TENM1: variants seen among roughly 807,000 people sequenced by gnomAD.
TENM1 encodes the protein teneurin transmembrane protein 1.
In TENM1, 35 loss-of-function variants were observed where a neutral mutation model predicts 174.8. The ratio of observed to expected loss-of-function variants is 0.20; its 90% confidence interval spans 0.15 to 0.27. TENM1 has a LOEUF of 0.27. Among genes scored for constraint, TENM1 ranks in the 10% least tolerant of loss-of-function variants. The pLI is 1.00. For synonymous variants in TENM1, 781 were observed against 798.7 expected, an observed-to-expected ratio of 0.98 and a Z score of 0.37; for missense variants, 1,633 against 2,130.1, an observed-to-expected ratio of 0.77 and a Z score of 4.59.
chrX:124,419,553 G>T (rs2060627618), intron 25 of TENM1, among the ~76,000 whole-genome samples: 1 of 112,064 alleles, frequency 8.9e-6, no homozygotes, highest in Non-Finnish European at 1.9e-5. Context: ...CAAGGACAAT[G>T]GTCTCTATTT....
the TENM1 span, among the ~76,000 whole-genome samples, chrX:125,034,270 A>G: frequency 8.9e-6 from 1 of 111,952 alleles, no homozygotes; most frequent in East Asian, 2.8e-4. Context: ...GGTTTTGCAG[A>G]ATTTTCTATG....
intron 3 of TENM1, among the ~76,000 whole-genome samples, chrX:124,772,229 G>A (rs917449364): frequency 1.8e-5 from 2 of 110,653 alleles, no homozygotes; most frequent in Non-Finnish European, 3.8e-5. Flanking sequence ...TCTGCCTTCC[G>A]GGTTCAAACA....
intron 4 of TENM1, among the ~76,000 whole-genome samples, chrX:124,735,558 C>A (rs896996545): frequency 9.0e-5 from 10 of 111,715 alleles, no homozygotes; most frequent in Admixed American, 6.6e-4. Context: ...AATAGAACTT[C>A]CATTTGATTC....
At chrX:125,037,664 A>G in the TENM1 span, among the ~76,000 whole-genome samples, 5 of 111,596 alleles carry the variant, frequency 4.5e-5, no homozygotes, top group Admixed American at 4.8e-4. Flanking sequence ...AGTTTCATCT[A>G]TTTGTGTCCC....
upstream of TENM1, among the ~76,000 whole-genome samples, chrX:124,965,587 CTATT>C (rs1196692363): frequency 9.0e-6 from 1 of 111,427 alleles, no homozygotes; most frequent in African/African-American, 3.3e-5. Context: ...GTAGTAGAAA[CTATT>C]TAACTCCTGA....
the TENM1 span, among the ~76,000 whole-genome samples, chrX:125,088,456 A>C: frequency 9.0e-6 from 1 of 111,494 alleles, no homozygotes; most frequent in South Asian, 3.8e-4. Flanking sequence ...CAAATATATC[A>C]AAATAATGCA....
chrX:125,075,304 A>G, the TENM1 span, among the ~76,000 whole-genome samples: 5 of 112,159 alleles, frequency 4.5e-5, no homozygotes, highest in Non-Finnish European at 5.6e-5. Context: ...TCCATGTTGT[A>G]GCATGTATCA....
the TENM1 span, among the ~76,000 whole-genome samples, chrX:125,028,860 TTGTC>T: frequency 9.0e-6 from 1 of 111,646 alleles, no homozygotes; most frequent in South Asian, 3.8e-4. Context: ...AGTTTCAGCT[TTGTC>T]TGTAACGTTT....
chrX:124,825,808 G>A (rs898691855), intron 3 of TENM1, among the ~76,000 whole-genome samples: 2 of 111,778 alleles, frequency 1.8e-5, no homozygotes, highest in African/African-American at 3.2e-5. Context: ...GGATGTAGCC[G>A]TCAGGTGTGC....
At chrX:124,966,386 A>T (rs1267808282), upstream of TENM1, among the ~76,000 whole-genome samples, 2 of 111,882 alleles carry the variant, frequency 1.8e-5, no homozygotes, top group Non-Finnish European at 3.8e-5. Context: ...CCATAAAAAA[A>T]TACCAAAAAC....
intron 5 of TENM1, among the ~76,000 whole-genome samples, chrX:124,686,842 T>G (rs986685902): frequency 1.8e-5 from 2 of 111,751 alleles, no homozygotes; most frequent in Non-Finnish European, 3.8e-5. Context: ...CTGGAAGCAT[T>G]CCCTTTGAAA....
chrX:124,796,932 A>T (rs1362607192), intron 3 of TENM1, among the ~76,000 whole-genome samples: 1 of 111,874 alleles, frequency 8.9e-6, no homozygotes, highest in Non-Finnish European at 1.9e-5. Context: ...CTAGATTTCT[A>T]CTAGCTTCTC....
At chrX:124,408,630 ATTTCTTTC>A (rs1039709393) in intron 25 of TENM1, among the ~76,000 whole-genome samples, 1 of 106,523 alleles carries the variant, frequency 9.4e-6, no homozygotes, top group African/African-American at 3.4e-5. Flanking sequence ...CCCTTTCCTG[ATTTCTTTC>A]TTTCTTTCTT....
At chrX:125,005,733 G>T in the TENM1 span, among the ~76,000 whole-genome samples, 2 of 110,413 alleles carry the variant, frequency 1.8e-5, no homozygotes, top group African/African-American at 3.3e-5. Context: ...CATGGAGAGC[G>T]AGCAGAAGCA....
intron 11 of TENM1, among the ~76,000 whole-genome samples, chrX:124,585,279 G>C (rs1254012141): frequency 1.8e-5 from 2 of 111,242 alleles, no homozygotes; most frequent in South Asian, 7.6e-4. Flanking sequence ...TGATCACATA[G>C]TTGGAAGTAA....
At chrX:124,571,715 A>C (rs1263846152) in intron 11 of TENM1, among the ~76,000 whole-genome samples, 1 of 111,955 alleles carries the variant, frequency 8.9e-6, no homozygotes, top group Middle Eastern at 4.2e-3. Context: ...GATAAAGTAG[A>C]TGTTTTTCCA....
At chrX:124,822,566 C>T (rs755621126) in intron 3 of TENM1, among the ~76,000 whole-genome samples, 70 of 111,973 alleles carry the variant, frequency 6.3e-4, no homozygotes, top group Middle Eastern at 4.7e-3. Flanking sequence ...AACTTATTTG[C>T]CCCTTTCTCA....
chrX:124,917,654 C>A (rs2057949061), intron 1 of TENM1, among the ~76,000 whole-genome samples: 1 of 111,788 alleles, frequency 8.9e-6, no homozygotes, highest in South Asian at 3.7e-4. Context: ...TTTTAATCTT[C>A]TCATCTCTTC....
intron 1 of TENM1, among the ~76,000 whole-genome samples, chrX:124,920,619 C>A (rs900873101): frequency 1.8e-5 from 2 of 110,987 alleles, no homozygotes; most frequent in African/African-American, 6.5e-5. Flanking sequence ...TTCATATTTC[C>A]CCCCACAGTT....
Sources: gnomAD v4.1 joint callset for allele counts (sites outside exome capture counted in the v4.1 genomes callset) on GRCh38, gnomAD v4.1.1 for gene constraint, MANE v1.5 for transcripts, NCBI Gene and HGNC (gene_info 2026-07-23, HGNC 2026-07-21) for gene names.